RUNDC1: variants seen among roughly 807,000 people sequenced by gnomAD.
RUNDC1 encodes the protein RUN domain containing 1.
Under a neutral mutation model 49.3 loss-of-function variants are expected in RUNDC1, and 31 were observed. That is an observed-to-expected ratio of 0.63 (90% CI 0.47 to 0.85). RUNDC1 has a LOEUF of 0.85. RUNDC1 is among the 40% of genes least tolerant of loss of function. The pLI, the probability that RUNDC1 is intolerant of heterozygous loss-of-function variation, is 0.00. For missense variants in RUNDC1, 715 were observed against 806.7 expected, an observed-to-expected ratio of 0.89 and a Z score of 1.38; for synonymous variants, 347 against 348.6, an observed-to-expected ratio of 1.00 and a Z score of 0.05.
intron 1 of RUNDC1, among the ~76,000 whole-genome samples, chr17:42,984,393 G>A (rs1291787086): frequency 2.7e-5 from 4 of 150,322 alleles, no homozygotes; most frequent in Non-Finnish European, 5.9e-5. Context: ...CTGTTCTGCT[G>A]CCTCAGCCTC....
chr17:42,981,065 C>A lies in RUNDC1; in HGVS notation c.489C>A (p.Gly163=). 2 of 1,563,798 alleles carry A rather than the reference C, an allele frequency of 1.3e-6. No individual in the cohort carries two copies. The highest frequency in any genetic ancestry group is 1.7e-6 in the Non-Finnish European group (2 of 1,162,938). ...GLPGDRPWLR[G]EDQSEQEKQE... is the part of the protein sequence containing the mutation. ...CAGGGGACCGGCCATGGTTGCGGGG[C>A]GAGGACCAGGTGAGTGGCTGGAGCC... The change falls in exon 1 of 5, where the codon GGC becomes GGA. Residue 163 remains glycine, a synonymous_variant. Transcript: ENST00000361677.
In RUNDC1 at chr17:42,980,604, C is replaced by G. The variant is rs750311395; in HGVS notation, c.28C>G (p.Pro10Ala). 7 of 1,609,570 alleles carry G rather than the reference C, an allele frequency of 4.3e-6. No individual in the cohort carries two copies. The highest frequency in any genetic ancestry group is 5.9e-6 in the Non-Finnish European group (7 of 1,179,318). ...GGCGGCTGTCGAAGCGGCTGCAGAG[C>G]CGGTAACGGTGGTGGCGGCTGTTGG... MAAVEAAAEPVTVVAAVGPK... is the reference protein window; with the variant it reads MAAVEAAAEAVTVVAAVGPK... Residue 10 changes from proline (P) to alanine (A), a missense_variant, in exon 1 of 5, where the codon CCG becomes GCG. Physicochemically the swap from Pro to Ala is conservative, Grantham distance 27 (BLOSUM62 -1). This residue lies in a region of RUNDC1 where 153 missense variants were observed against 139.4 expected (regional missense o/e 1.10). Coordinates refer to ENST00000361677, the MANE Select transcript of RUNDC1 (RefSeq NM_173079.5).
intron 3 of RUNDC1, among the ~76,000 whole-genome samples, 186 bp downstream of exon 3, chr17:42,989,725 C>T (rs1382010892): frequency 1.3e-5 from 2 of 152,134 alleles, no homozygotes; most frequent in Non-Finnish European, 2.9e-5. Context: ...ACCGCCGCCT[C>T]CCAGATGGAA....
intron 2 of RUNDC1, among the ~76,000 whole-genome samples, chr17:42,988,700 C>T (rs1197234005): frequency 6.6e-6 from 1 of 152,094 alleles, no homozygotes; most frequent in African/African-American, 2.4e-5. Context: ...AAAATCAGGC[C>T]AGTTGCAGTG....
At position 42,993,095 on chromosome 17, in the gene RUNDC1, A is replaced by C. The variant is rs2050266115; in HGVS notation, c.*1379A>C. The C allele has an allele frequency of 1.3e-5, 2 of 152,194 alleles. No homozygotes were observed. The highest frequency in any genetic ancestry group is 1.3e-4 in the Admixed American group (2 of 15,274). 9.4% of individuals were successfully genotyped at this position (152,194 alleles called of 1,614,324 possible). ...GCAGCTGTTCCTCAGGTTGTGACTC[A>C]CTGAGCACCACTTGTCCTGGAGGCT... On this transcript the variant is annotated 3_prime_UTR_variant, in exon 5 of 5. Coordinates refer to ENST00000361677, the MANE Select transcript of RUNDC1 (RefSeq NM_173079.5).
chr17:42,991,596 C>T lies in RUNDC1; in HGVS notation c.1722C>T (p.Tyr574=). 6.2e-7 allele frequency: 1 copy of T among 1,614,172 alleles called. No individual in the cohort carries two copies. Among genetic ancestry groups the T allele is most frequent in the Non-Finnish European group, 8.5e-7 (1 of 1,180,032 alleles). ...AGCCTCACTACCAGCCCTGGAGCTACATGGCACACACAGGCTTTGAGAGTG... is the reference window on the plus strand; with the variant it reads ...AGCCTCACTACCAGCCCTGGAGCTATATGGCACACACAGGCTTTGAGAGTG... The part of the protein sequence containing the change: ...LIEPHYQPWS[Y]MAHTGFESAL... The change falls in exon 5 of 5, where the codon TAC becomes TAT. Residue 574 remains tyrosine (Y), a synonymous_variant. Transcript: ENST00000361677.
At chr17:42,990,463 A>C in intron 4 of RUNDC1, 27 bp downstream of exon 4, 1 of 1,611,538 alleles carries the variant, frequency 6.2e-7, no homozygotes, top group Non-Finnish European at 8.5e-7. Context: ...GAACAGGCAA[A>C]TCTCTAGAGA....
Position 42,992,182 on chromosome 17 carries a change from T to G in RUNDC1, c.*466T>G, listed in dbSNP as rs892005756. The G allele has an allele frequency of 3.7e-5, 6 of 161,952 alleles. No homozygotes were observed. The highest frequency in any genetic ancestry group is 1.5e-4 in the African/African-American group (6 of 41,078). The allele number at this position is 161,952 out of a possible 1,614,324, so 10.0% of individuals were successfully genotyped here. On this transcript the variant is annotated 3_prime_UTR_variant, in exon 5 of 5. Coordinates refer to ENST00000361677, the MANE Select transcript of RUNDC1 (RefSeq NM_173079.5). ...GTGAGCCAAGATCGCGCCACTGCAC[T>G]CCAGCCTGGGCGACAGAGTGAGACT...
At chr17:42,987,171 G>C (rs1243741251) in intron 1 of RUNDC1, 85 bp from the exon 2 acceptor site, 1 of 871,850 alleles carries the variant, frequency 1.1e-6, no homozygotes, top group Non-Finnish European at 1.8e-6. Flanking sequence ...ATATTTTATT[G>C]GTCATTACTG....
Position 42,991,126 on chromosome 17 carries a change from G to T in RUNDC1, c.1252G>T (p.Gly418Cys), listed in dbSNP as rs770721701. ...CAACCTCCAGGACCTCTCTCTGGGA[G>T]GCAAGGATGAGCTGACTATGGCTGT... ...SANLQDLSLG[G>C]KDELTMAVRK... Residue 418 changes from glycine (G) to cysteine (C), a missense_variant, in exon 5 of 5, where the codon GGC becomes TGC. Physicochemically the swap from Gly to Cys is radical, Grantham distance 159 (BLOSUM62 -3). This residue lies in a region of RUNDC1 where 425 missense variants were observed against 499.7 expected (regional missense o/e 0.85). Coordinates refer to ENST00000361677, the MANE Select transcript of RUNDC1 (RefSeq NM_173079.5). 1 of 1,614,232 alleles carries T rather than the reference G, an allele frequency of 6.2e-7. No individual in the cohort carries two copies. Among genetic ancestry groups the T allele is most frequent in the East Asian group, 2.2e-5 (1 of 44,890 alleles).
At chr17:42,985,878 G>A (rs2050164600) in intron 1 of RUNDC1, among the ~76,000 whole-genome samples, 1 of 152,134 alleles carries the variant, frequency 6.6e-6, no homozygotes, top group Non-Finnish European at 1.5e-5. Context: ...GTTGAAAAAG[G>A]AGTCACTAGT....
chr17:42,980,882 GCAGGTGCAGTTCCGCCTGCGC>G lies in RUNDC1; in HGVS notation c.313_333del (p.Gln105_Val111del), dbSNP rs2050069373. 6.6e-7 allele frequency: 1 copy of G among 1,503,882 alleles called. No individual in the cohort carries two copies. Among genetic ancestry groups the G allele is most frequent in the African/African-American group, 1.4e-5 (1 of 69,722 alleles). 93.2% of individuals were successfully genotyped at this position (1,503,882 alleles called of 1,614,324 possible). ...TGCTGGCGCTGTCCTCGCACTTCGC[GCAGGTGCAGTTCCGCCTGCGC>G]CAGGTGGTGCGCGGGGCGCCGGCGG... is the stretch of plus-strand genomic sequence containing the variant. On this transcript the variant is annotated inframe_deletion, in exon 1 of 5. Coordinates refer to ENST00000361677, the MANE Select transcript of RUNDC1 (RefSeq NM_173079.5).
At position 42,991,920 on chromosome 17, in the gene RUNDC1, G is replaced by GA; in HGVS notation, c.*206dup. On this transcript the variant is annotated 3_prime_UTR_variant, in exon 5 of 5. Transcript: ENST00000361677. Reference sequence around the variant, plus strand: ...TGTGCTGGAGGGACCCTCTTGTTAAGAAGGTTCTGCCAGGCCGGGCGCGGT... The same window carrying GA: ...TGTGCTGGAGGGACCCTCTTGTTAAGAAAGGTTCTGCCAGGCCGGGCGCGGT... 1 of 606,388 alleles carries GA rather than the reference G, an allele frequency of 1.6e-6. No homozygotes were observed. Among genetic ancestry groups the GA allele is most frequent in the Non-Finnish European group, 2.8e-6 (1 of 352,150 alleles). 37.6% of individuals were successfully genotyped at this position (606,388 alleles called of 1,614,324 possible).
intron 1 of RUNDC1, among the ~76,000 whole-genome samples, chr17:42,984,444 C>T (rs1411034258): frequency 1.3e-5 from 2 of 152,098 alleles, no homozygotes; most frequent in Non-Finnish European, 2.9e-5. Flanking sequence ...CTATCCCCGG[C>T]TAAATTTTGT....
At chr17:42,990,225 G>A in intron 3 of RUNDC1, 92 bp from the exon 4 acceptor site, 1 of 1,509,368 alleles carries the variant, frequency 6.6e-7, no homozygotes, top group Non-Finnish European at 8.9e-7. Flanking sequence ...TGAAATTCTT[G>A]TTTCTAATAG....
At chr17:42,989,640 T>G (rs1443446401) in intron 3 of RUNDC1, 101 bp downstream of exon 3, 13 of 1,128,918 alleles carry the variant, frequency 1.2e-5, no homozygotes, top group Admixed American at 1.0e-4. Flanking sequence ...TTTTTGTTCT[T>G]TTTTGGGCGG....
rs372331738 is a variant in RUNDC1, at chr17:42,991,397, C to G, written c.1523C>G (p.Thr508Ser). The G allele has an allele frequency of 6.2e-7, 1 of 1,614,130 alleles. No individual in the cohort carries two copies. Among genetic ancestry groups the G allele is most frequent in the Non-Finnish European group, 8.5e-7 (1 of 1,180,056 alleles). Residue 508 changes from threonine to serine, a missense_variant, in exon 5 of 5, where the codon ACT becomes AGT. Transcript: ENST00000361677. ...TTCGCCCTTCCTGTTACGGGAGGCA[C>G]TGTTGTCACCCCCAAACAGAGCCTA... ...QSFALPVTGG[T>S]VVTPKQSLLT...
chr17:42,985,027 C>G (rs1208483459), intron 1 of RUNDC1, among the ~76,000 whole-genome samples: 1 of 151,072 alleles, frequency 6.6e-6, no homozygotes, highest in Admixed American at 6.6e-5. Flanking sequence ...TCCCAAGTAG[C>G]TAGGATTACA....
Position 42,980,943 on chromosome 17 carries a change from C to G in RUNDC1, c.367C>G (p.Leu123Val). 1 of 1,540,016 alleles carries G rather than the reference C, an allele frequency of 6.5e-7. No homozygotes were observed. Among genetic ancestry groups the G allele is most frequent in the Non-Finnish European group, 8.7e-7 (1 of 1,149,522 alleles). ...GGCGCCGGCGGAGCAGCAGCGCCTT[C>G]TGCGGGAGCTCGAAGACTTCGCCTT... ...RGAPAEQQRL[L>V]RELEDFAFRG... Residue 123 changes from leucine (L) to valine (V), a missense_variant, in exon 1 of 5, where the codon CTG becomes GTG. By Grantham distance (32) the Leu-to-Val change is conservative. Around this residue, in one of 5 missense-constraint regions of RUNDC1, gnomAD observed 113 missense variants for 93.4 expected, o/e 1.21. Transcript: ENST00000361677.
Sources: gnomAD v4.1 joint callset for allele counts (sites outside exome capture counted in the v4.1 genomes callset) on GRCh38, gnomAD v4.1.1 for gene constraint, gnomAD v4.1.1 regional missense constraint, MANE v1.5 for transcripts, NCBI Gene and HGNC (gene_info 2026-07-23, HGNC 2026-07-21) for gene names.